Variants in MLLT10 observed in about 807,000 individuals in gnomAD.
The protein encoded by MLLT10 is MLLT10 histone lysine methyltransferase DOT1L cofactor, also known as protein AF-10.
In MLLT10, 30 loss-of-function variants were observed where a neutral mutation model predicts 129.1. The observed-to-expected ratio is 0.23, with a 90% CI of 0.17 to 0.32. MLLT10 has a LOEUF of 0.32. MLLT10 is among the 10% of genes least tolerant of loss of function. MLLT10 has a pLI of 1.00. For synonymous variants in MLLT10, 490 were observed against 446.4 expected (o/e 1.10, Z -1.23); for missense variants, 1,119 against 1,268.3 (o/e 0.88, Z 1.79).
chr10:21,636,927 G>A (rs771098516), intron 8 of MLLT10, among the ~76,000 whole-genome samples: 1 of 152,140 alleles, frequency 6.6e-6, no homozygotes, highest in African/African-American at 2.4e-5. Context: ...AGATACTAAC[G>A]GAGTTAGAGA....
chr10:21,546,005 A>G (rs910159029), intron 3 of MLLT10, among the ~76,000 whole-genome samples: 6 of 152,202 alleles, frequency 3.9e-5, no homozygotes, highest in African/African-American at 1.4e-4. Flanking sequence ...GAATTACTGC[A>G]GGCTGCAGTG....
intron 9 of MLLT10, among the ~76,000 whole-genome samples, chr10:21,662,883 C>T (rs2050360844): frequency 6.6e-6 from 1 of 152,092 alleles, no homozygotes; most frequent in African/African-American, 2.4e-5. Context: ...AACCTCTACC[C>T]CTGGAATGTG....
chr10:21,572,815 T>C (rs1379872035), intron 3 of MLLT10, among the ~76,000 whole-genome samples: 1 of 143,916 alleles, frequency 6.9e-6, no homozygotes, highest in African/African-American at 3.0e-5. Flanking sequence ...GTTTCACCAT[T>C]GTTGGCCAGG....
intron 8 of MLLT10, among the ~76,000 whole-genome samples, chr10:21,631,535 A>G (rs1174952094): frequency 2.6e-5 from 4 of 152,080 alleles, no homozygotes; most frequent in African/African-American, 9.7e-5. Flanking sequence ...GTAGGAAGAA[A>G]AGAGATTTAG....
At position 21,580,278 on chromosome 10, in the gene MLLT10, T is replaced by C. The variant is rs542659285; in HGVS notation, c.241-6016T>C. Among the ~76,000 whole-genome samples, 24 of 152,208 alleles carry C rather than the reference T, an allele frequency of 1.6e-4. No individual in the cohort carries two copies. The South Asian group carries it at 4.6e-3, about 29-fold the overall frequency. On this transcript the variant is annotated intron_variant, in intron 3 of 22. Transcript: ENST00000307729. ...CAGATTTAATTAGCATTTAGTGACA[T>C]TTTTCCGTAAAACTTGACAATATAA...
intron 9 of MLLT10, among the ~76,000 whole-genome samples, chr10:21,661,280 G>T (rs1192454414): frequency 2.6e-5 from 4 of 152,180 alleles, no homozygotes; most frequent in African/African-American, 4.8e-5. Context: ...ATCTGCTGTT[G>T]TTGGACGAAG....
intron 3 of MLLT10, among the ~76,000 whole-genome samples, chr10:21,565,629 A>T (rs2039453687): frequency 7.1e-6 from 1 of 141,812 alleles, no homozygotes. Context: ...TTTTTGAGAC[A>T]TGGTCTTGCT....
intron 16 of MLLT10, among the ~76,000 whole-genome samples, 178 bp downstream of exon 16, chr10:21,728,106 A>G (rs931274518): frequency 1.3e-5 from 2 of 152,254 alleles, no homozygotes; most frequent in Non-Finnish European, 2.9e-5. Flanking sequence ...TTTAAACACC[A>G]TTAGATTTCT....
intron 4 of MLLT10, among the ~76,000 whole-genome samples, chr10:21,591,478 CTT>C (rs1163226793): frequency 6.6e-6 from 1 of 152,066 alleles, no homozygotes. Context: ...GATTTTCCCT[CTT>C]ATTTCTTATT....
In MLLT10 at chr10:21,545,524, A is replaced by G. The variant is rs146222147; in HGVS notation, c.240+6612A>G. 3.2e-3 allele frequency among the ~76,000 whole-genome samples: 492 copies of G among 152,308 alleles called. 3 individuals are homozygous for G. Among genetic ancestry groups the G allele is most frequent in the African/African-American group, 0.011 (472 of 41,566 alleles). On this transcript the variant is annotated intron_variant, in intron 3 of 22. Transcript: ENST00000307729. ...AGGATTTGATTGTTGTGTGGAAAGT[A>G]TAAGGAAAGAGAAAAATTAAAGGAG...
At chr10:21,634,756 G>T (rs993465050) in intron 8 of MLLT10, among the ~76,000 whole-genome samples, 1 of 152,116 alleles carries the variant, frequency 6.6e-6, no homozygotes, top group African/African-American at 2.4e-5. Context: ...CTCCAGTATC[G>T]AGTAGACTCA....
chr10:21,644,748 C>G (rs969640295), intron 8 of MLLT10, among the ~76,000 whole-genome samples: 3 of 152,108 alleles, frequency 2.0e-5, no homozygotes, highest in Admixed American at 1.3e-4. Context: ...TCCTCCGCCT[C>G]AACCTCCCAG....
chr10:21,651,696 C>A lies in MLLT10; in HGVS notation c.723C>A (p.His241Gln). Residue 241 changes from histidine (H) to glutamine (Q), a missense_variant, in exon 9 of 23, where the codon CAC (histidine) becomes CAA (glutamine). This residue lies in a region of MLLT10 where 1,004 missense variants were observed against 1,008.7 expected (regional missense o/e 1.00). Transcript: ENST00000307729. ...EKKKYKEKDK[H>Q]KQKHKKQPEP... ...AGAAATATAAAGAGAAGGACAAACA[C>A]AAACAGAAACACAAGAAGCAGCCAG... 1.2e-6 allele frequency: 2 copies of A among 1,613,130 alleles called. No homozygotes were observed. Among genetic ancestry groups the A allele is most frequent in the East Asian group, 4.5e-5 (2 of 44,812 alleles).
chr10:21,661,543 G>C (rs548691103), intron 9 of MLLT10: 1 of 152,066 alleles, frequency 6.6e-6, no homozygotes, highest in African/African-American at 2.4e-5. Flanking sequence ...TCTTTGCTCT[G>C]AGTCTGTTCT....
intron 13 of MLLT10, among the ~76,000 whole-genome samples, chr10:21,712,161 A>G (rs988268791): frequency 6.6e-6 from 1 of 151,156 alleles, no homozygotes; most frequent in Admixed American, 6.6e-5. Flanking sequence ...CTGTTTGAAT[A>G]AGATTCTAGG....
intron 11 of MLLT10, among the ~76,000 whole-genome samples, chr10:21,677,551 G>A (rs1423169917): frequency 6.6e-6 from 1 of 152,068 alleles, no homozygotes; most frequent in African/African-American, 2.4e-5. Flanking sequence ...ATAATACCTA[G>A]TATCATGTAA....
rs139432398 is a variant in MLLT10 at position 21,538,437 on chromosome 10, A to G, written c.161-396A>G. 4.9e-3 allele frequency among the ~76,000 whole-genome samples: 751 copies of G among 152,080 alleles called. 5 individuals carry two copies. The highest frequency in any genetic ancestry group is 0.017 in the African/African-American group (716 of 41,488). On this transcript the variant is annotated intron_variant, in intron 2 of 22. Transcript: ENST00000307729. ...CTCAGCCTCCCAAAGTGCTGGGATT[A>G]TAGGTGTGAGCCACTGCGCCTGGCC...
rs1015663619 is a variant in MLLT10, at chr10:21,664,062, T to C, written c.796-6387T>C. 5.3e-5 allele frequency among the ~76,000 whole-genome samples: 8 copies of C among 152,210 alleles called. 1 individual carries two copies. Among genetic ancestry groups the C allele is most frequent in the Non-Finnish European group, 1.5e-5 (1 of 68,034 alleles). On this transcript the variant is annotated intron_variant, in intron 9 of 22. Coordinates refer to ENST00000307729, the MANE Select transcript of MLLT10 (RefSeq NM_001195626.3). ...TTAAGTAGGGCTTTATGAATTTTGA[T>C]ATGTTGTGTTTTCATTTTTATTTAG...
chr10:21,662,042 G>A (rs546115194), intron 9 of MLLT10, among the ~76,000 whole-genome samples: 1 of 151,702 alleles, frequency 6.6e-6, no homozygotes, highest in East Asian at 1.9e-4. Flanking sequence ...CACTTTAAGT[G>A]TTTTATTTCA....
Sources: gnomAD v4.1 joint callset for allele counts (sites outside exome capture counted in the v4.1 genomes callset) on GRCh38, gnomAD v4.1.1 for gene constraint, gnomAD v4.1.1 regional missense constraint, MANE v1.5 for transcripts, NCBI Gene and HGNC (gene_info 2026-07-23, HGNC 2026-07-21) for gene names.